CUL5: variants seen among roughly 807,000 people sequenced by gnomAD.
The protein encoded by CUL5 is cullin-5.
A neutral mutation model predicts 108.8 loss-of-function variants in CUL5; 26 were observed. The ratio of observed to expected loss-of-function variants is 0.24; its 90% CI spans 0.18 to 0.33. CUL5 has a LOEUF of 0.33. Ranked by LOEUF, CUL5 falls within the 10% of genes least tolerant of loss-of-function variation. The pLI is 1.00. For missense variants in CUL5, 524 were observed against 909.2 expected, an observed-to-expected ratio of 0.58 and a Z score of 5.45; for synonymous variants, 334 against 298.0, an observed-to-expected ratio of 1.12 and a Z score of -1.25.
At chr11:108,080,583 A>G (rs1243378879) in intron 11 of CUL5, among the ~76,000 whole-genome samples, 1 of 152,010 alleles carries the variant, frequency 6.6e-6, no homozygotes, top group East Asian at 1.9e-4. Context: ...TTTAGTAGAG[A>G]TGGAGTTTCA....
chr11:108,101,177 T>G (rs1371846046), intron 18 of CUL5, among the ~76,000 whole-genome samples: 2 of 152,252 alleles, frequency 1.3e-5, no homozygotes, highest in Non-Finnish European at 2.9e-5. Context: ...AGACTTTATT[T>G]CCTCCTGATC....
intron 1 of CUL5, 43 bp downstream of exon 1, chr11:108,009,415 G>A (rs201442809): frequency 5.5e-5 from 89 of 1,609,716 alleles, no homozygotes; most frequent in Admixed American, 2.2e-4. Flanking sequence ...TGTGGCCGCC[G>A]GGTTCGGCTC....
intron 1 of CUL5, 85 bp downstream of exon 1, chr11:108,009,457 G>T: frequency 6.9e-7 from 1 of 1,455,964 alleles, no homozygotes; most frequent in Non-Finnish European, 9.6e-7. Context: ...GTTCAGCTGC[G>T]AAGTGTGGGA....
At chr11:108,055,001 C>A in intron 7 of CUL5, 46 bp downstream of exon 7, 2 of 1,287,604 alleles carry the variant, frequency 1.6e-6, no homozygotes, top group Non-Finnish European at 2.2e-6. Context: ...ATTTGAAATA[C>A]GGAAGCATAG....
intron 10 of CUL5, among the ~76,000 whole-genome samples, chr11:108,075,020 T>C (rs1290723587): frequency 6.6e-6 from 1 of 152,044 alleles, no homozygotes; most frequent in African/African-American, 2.4e-5. Flanking sequence ...TTAAACAGAA[T>C]GGTAGAATGT....
chr11:108,042,008 G>C (rs926479877), intron 2 of CUL5, among the ~76,000 whole-genome samples: 1 of 152,066 alleles, frequency 6.6e-6, no homozygotes, highest in Non-Finnish European at 1.5e-5. Flanking sequence ...AAAGATGATG[G>C]GGACTATCAT....
Position 108,023,407 on chromosome 11 carries a change from T to C in CUL5, c.25-10395T>C, listed in dbSNP as rs570561284. ...GTTAATGCTTGGTTTTAAGGTCATA[T>C]GAGTAGTTCAGATTTCTACTTGTAT... On this transcript the variant is annotated intron_variant, in intron 1 of 18. Transcript: ENST00000393094. 8.5e-5 allele frequency among the ~76,000 whole-genome samples: 13 copies of C among 152,364 alleles called. No homozygotes were observed. The East Asian group carries it at 2.5e-3, about 29-fold the overall frequency.
chr11:108,070,245 C>CA (rs550979099), intron 8 of CUL5, 56 bp downstream of exon 8: 1 of 1,272,126 alleles, frequency 7.9e-7, no homozygotes. Flanking sequence ...ATCTTTGAAA[C>CA]AAATCACTTA....
At chr11:108,063,665 T>TAAAC (rs1591308831) in intron 7 of CUL5, among the ~76,000 whole-genome samples, 1 of 148,414 alleles carries the variant, frequency 6.7e-6, no homozygotes, top group East Asian at 2.0e-4. Context: ...TTAAAAAAAA[T>TAAAC]AAATAAATAG....
intron 11 of CUL5, among the ~76,000 whole-genome samples, chr11:108,080,433 A>C (rs547773559): frequency 1.3e-5 from 2 of 151,372 alleles, no homozygotes; most frequent in African/African-American, 4.9e-5. Flanking sequence ...GCCTTGCTCT[A>C]TCTCCAGGCT....
At chr11:108,074,760 C>T (rs1305944054) in intron 10 of CUL5, among the ~76,000 whole-genome samples, 4 of 151,986 alleles carry the variant, frequency 2.6e-5, no homozygotes, top group African/African-American at 9.7e-5. Context: ...GAGCTGAGAT[C>T]GTGCCATTGC....
In CUL5 at chr11:108,017,475, TGAATACTGACACTAAA is replaced by T. The variant is rs1862227990; in HGVS notation, c.24+8106_24+8121del. Among the ~76,000 whole-genome samples, 3 of 151,182 alleles carry T rather than the reference TGAATACTGACACTAAA, an allele frequency of 2.0e-5. No homozygotes were observed. In the South Asian group the frequency reaches 6.3e-4, roughly 32 times the overall value. The stretch of plus-strand genomic sequence containing the variant: ...ACTTTGGGGCTTATATCCTGATGGA[TGAATACTGACACTAAA>T]GACATAAAGAATACACTTGCATAGT... On this transcript the variant is annotated intron_variant, in intron 1 of 18. Transcript: ENST00000393094.
Position 108,009,258 on chromosome 11 carries a change from G to A in CUL5, c.-91G>A. 6 of 1,450,984 alleles carry A rather than the reference G, an allele frequency of 4.1e-6. No homozygotes were observed. 89.9% of individuals were successfully genotyped at this position (1,450,984 alleles called of 1,614,324 possible). A position where few individuals can be genotyped will look rare whatever the true frequency, so the allele number is the denominator to read the frequency against. On this transcript the variant is annotated 5_prime_UTR_variant, in exon 1 of 19. Transcript: ENST00000393094. ...CCCTGGTGCGGGCCGACGGGCCCTG[G>A]GCCCTGGTGGGAGCTCCGGCCTCCG...
At chr11:108,074,704 A>C (rs1355692273) in intron 10 of CUL5, among the ~76,000 whole-genome samples, 1 of 151,896 alleles carries the variant, frequency 6.6e-6, no homozygotes, top group Non-Finnish European at 1.5e-5. Flanking sequence ...TACTTAGGAG[A>C]CTGAGGCAGG....
At chr11:108,093,826 A>G (rs1233494648) in intron 13 of CUL5, among the ~76,000 whole-genome samples, 1 of 152,212 alleles carries the variant, frequency 6.6e-6, no homozygotes, top group African/African-American at 2.4e-5. Context: ...CCTTCCGAGT[A>G]GCTGGGACTA....
chr11:108,051,415 C>A (rs1863217343), intron 4 of CUL5, among the ~76,000 whole-genome samples: 1 of 152,168 alleles, frequency 6.6e-6, no homozygotes, highest in African/African-American at 2.4e-5. Flanking sequence ...GCTTTGCTAT[C>A]TGTACCCCAG....
chr11:108,084,937 T>C (rs1387941059), intron 11 of CUL5: 1 of 152,262 alleles, frequency 6.6e-6, no homozygotes, highest in African/African-American at 2.4e-5. Context: ...CAGTGGTGTT[T>C]ACAACTAATT....
intron 7 of CUL5, among the ~76,000 whole-genome samples, chr11:108,068,101 A>G (rs932035306): frequency 6.6e-6 from 1 of 151,768 alleles, no homozygotes; most frequent in Non-Finnish European, 1.5e-5. Context: ...AATTTTTAGT[A>G]GAGATGGGGT....
chr11:108,052,920 T>A, intron 5 of CUL5, 119 bp downstream of exon 5: 2 of 758,528 alleles, frequency 2.6e-6, no homozygotes, highest in Non-Finnish European at 3.9e-6. Flanking sequence ...CTTTTTGTAC[T>A]AGATACTTTT....
Sources: allele counts gnomAD v4.1 joint callset (sites outside exome capture counted in the v4.1 genomes callset), GRCh38; gene constraint gnomAD v4.1.1; transcripts MANE v1.5; gene names NCBI Gene and HGNC (gene_info 2026-07-23, HGNC 2026-07-21).